Variants in PARD3 observed in about 807,000 individuals in gnomAD.
The protein encoded by PARD3 is partitioning defective 3 homolog.
PARD3 carries 75 observed loss-of-function variants against 155.4 expected under a neutral mutation model. The observed-to-expected ratio is 0.48, with a 90% CI of 0.40 to 0.58. The LOEUF is 0.58. PARD3 is among the 20% of genes least tolerant of loss of function. PARD3 has a pLI of 0.00. For missense variants in PARD3, 1,642 were observed against 1,721.7 expected, an observed-to-expected ratio of 0.95 and a Z score of 0.82; for synonymous variants, 576 against 610.5, an observed-to-expected ratio of 0.94 and a Z score of 0.83.
Position 34,382,793 on chromosome 10 carries a change from A to G in PARD3, c.1146T>C (p.Phe382=), listed in dbSNP as rs1841984958. The G allele has an allele frequency of 6.2e-7, 1 of 1,614,084 alleles. No homozygotes were observed. The highest frequency in any genetic ancestry group is 8.5e-7 in the Non-Finnish European group (1 of 1,180,042). ...SEKNNYYSSR[F]SPDSQYIDNR... ...TGTCAATATACTGGCTGTCAGGGCTAAAACGGCTTGAATAGTAATTGTTCT... is the reference window on the plus strand; with the variant it reads ...TGTCAATATACTGGCTGTCAGGGCTGAAACGGCTTGAATAGTAATTGTTCT... Residue 382 remains phenylalanine, a synonymous_variant, in exon 9 of 25, where the codon TTT becomes TTC. Transcript: ENST00000374788.
At chr10:34,408,356 T>C (rs906381917) in intron 5 of PARD3, among the ~76,000 whole-genome samples, 1 of 152,192 alleles carries the variant, frequency 6.6e-6, no homozygotes, top group African/African-American at 2.4e-5. Flanking sequence ...CTAAATGTTC[T>C]TTTTCATACT....
At chr10:34,129,594 A>C (rs1947478554) in intron 23 of PARD3, among the ~76,000 whole-genome samples, 1 of 150,068 alleles carries the variant, frequency 6.7e-6, no homozygotes. Flanking sequence ...CTCTTCCTAC[A>C]TTTCTACCTT....
intron 5 of PARD3, among the ~76,000 whole-genome samples, chr10:34,425,208 T>C (rs1169478032): frequency 6.6e-6 from 1 of 152,116 alleles, no homozygotes; most frequent in Non-Finnish European, 1.5e-5. Context: ...TCTTCTCAAA[T>C]CCATTTTCAT....
intron 2 of PARD3, among the ~76,000 whole-genome samples, chr10:34,536,257 T>C (rs889676602): frequency 7.9e-5 from 12 of 152,156 alleles, no homozygotes; most frequent in Non-Finnish European, 2.9e-5. Flanking sequence ...CAAATATGCA[T>C]ATAAAAAGTA....
At chr10:34,732,576 T>C (rs1011971200) in intron 1 of PARD3, among the ~76,000 whole-genome samples, 14 of 152,120 alleles carry the variant, frequency 9.2e-5, no homozygotes, top group Non-Finnish European at 1.3e-4. Flanking sequence ...CATGTGCCTG[T>C]AGTTCCAGCT....
At chr10:34,782,289 C>T (rs1840330448) in intron 1 of PARD3, among the ~76,000 whole-genome samples, 1 of 152,180 alleles carries the variant, frequency 6.6e-6, no homozygotes, top group Non-Finnish European at 1.5e-5. Flanking sequence ...AGTTCTAAGA[C>T]AGCAGAGGCA....
rs193232826 is a variant in PARD3, at chr10:34,179,536, G to C, written c.3420-47953C>G. Among the ~76,000 whole-genome samples, 104 of 152,238 alleles carry C rather than the reference G, an allele frequency of 6.8e-4. 1 individual carries two copies. The highest frequency in any genetic ancestry group is 2.5e-3 in the African/African-American group (102 of 41,546). On this transcript the variant is annotated intron_variant, in intron 22 of 24. Transcript: ENST00000374788. Reference sequence around the variant, plus strand: ...TTACAGAAAAATAGTCCAGAAAATCGCTGTAACAATCCAAGATAAATAAAT... The same window carrying C: ...TTACAGAAAAATAGTCCAGAAAATCCCTGTAACAATCCAAGATAAATAAAT...
intron 5 of PARD3, among the ~76,000 whole-genome samples, chr10:34,405,692 A>C (rs1844389989): frequency 6.6e-6 from 1 of 152,180 alleles, no homozygotes; most frequent in Non-Finnish European, 1.5e-5. Context: ...TGCTGGCAGA[A>C]GGCAGAAGAT....
chr10:34,636,020 A>T (rs1228132283), intron 2 of PARD3, among the ~76,000 whole-genome samples: 4 of 143,784 alleles, frequency 2.8e-5, no homozygotes, highest in East Asian at 3.9e-4. Flanking sequence ...TTCTTCTATT[A>T]AAAAAAAAAG....
intron 2 of PARD3, chr10:34,676,056 G>A (rs1348717965): frequency 6.5e-6 from 1 of 152,698 alleles, no homozygotes; most frequent in Non-Finnish European, 1.5e-5. Context: ...GCAGGCCACA[G>A]GTAACGAGTG....
intron 2 of PARD3, among the ~76,000 whole-genome samples, chr10:34,573,511 G>A (rs1029654950): frequency 6.6e-6 from 1 of 152,128 alleles, no homozygotes; most frequent in African/African-American, 2.4e-5. Context: ...AGATCAGCCT[G>A]GGCAACATGG....
intron 1 of PARD3, among the ~76,000 whole-genome samples, chr10:34,804,059 A>G (rs1843098061): frequency 6.7e-6 from 1 of 148,428 alleles, no homozygotes; most frequent in African/African-American, 2.5e-5. Context: ...TTTGAGATGA[A>G]GTCTCGCTCT....
chr10:34,175,542 A>T (rs1949995131), intron 22 of PARD3, among the ~76,000 whole-genome samples: 2 of 152,236 alleles, frequency 1.3e-5, no homozygotes, highest in Non-Finnish European at 2.9e-5. Flanking sequence ...TATACTAAGC[A>T]ATTTTATCAT....
chr10:34,365,182 T>C (rs1839844027), intron 12 of PARD3, among the ~76,000 whole-genome samples: 1 of 152,164 alleles, frequency 6.6e-6, no homozygotes, highest in Non-Finnish European at 1.5e-5. Context: ...ACAAAAATAG[T>C]TGTGATCATG....
intron 2 of PARD3, among the ~76,000 whole-genome samples, chr10:34,607,634 AG>A (rs1257260167): frequency 1.3e-5 from 2 of 152,236 alleles, no homozygotes; most frequent in Non-Finnish European, 1.5e-5. Flanking sequence ...AGGCAGGAAA[AG>A]GTAAGTCCAT....
chr10:34,244,797 A>G (rs1191239392), intron 22 of PARD3, among the ~76,000 whole-genome samples: 1 of 152,204 alleles, frequency 6.6e-6, no homozygotes, highest in African/African-American at 2.4e-5. Flanking sequence ...TCATTCATTC[A>G]TCTTACATAC....
intron 19 of PARD3, among the ~76,000 whole-genome samples, chr10:34,327,802 C>A (rs1835191002): frequency 6.6e-6 from 1 of 152,158 alleles, no homozygotes; most frequent in African/African-American, 2.4e-5. Flanking sequence ...TTTTTAATTT[C>A]TACGGGCAGC....
intron 2 of PARD3, among the ~76,000 whole-genome samples, chr10:34,586,923 TG>T (rs2088118529): frequency 6.6e-6 from 1 of 152,096 alleles, no homozygotes; most frequent in Non-Finnish European, 1.5e-5. Context: ...CACTCCAGCC[TG>T]GGCAACAAGA....
At chr10:34,531,500 G>A (rs531907127) in intron 2 of PARD3, among the ~76,000 whole-genome samples, 3 of 152,228 alleles carry the variant, frequency 2.0e-5, no homozygotes, top group African/African-American at 4.8e-5. Flanking sequence ...GTCAATAGGT[G>A]CTTTTCCTTT....
Sources: allele counts gnomAD v4.1 joint callset (sites outside exome capture counted in the v4.1 genomes callset), GRCh38; gene constraint gnomAD v4.1.1; transcripts MANE v1.5; gene names NCBI Gene and HGNC (gene_info 2026-07-23, HGNC 2026-07-21).